The following COMMD1 variants were observed in gnomAD, a reference collection of about 807,000 sequenced individuals.
COMMD1 encodes copper metabolism domain containing 1.
COMMD1 carries 10 observed loss-of-function variants against 17.2 expected under a neutral mutation model. That is an observed-to-expected ratio of 0.58 (90% CI 0.36 to 0.99). COMMD1 has a LOEUF of 0.99. Among genes scored for constraint, COMMD1 ranks in the 50% least tolerant of loss-of-function variants. COMMD1 has a pLI of 0.01. For missense variants in COMMD1, 270 were observed against 231.8 expected, an observed-to-expected ratio of 1.17 and a Z score of -1.07; for synonymous variants, 97 against 91.6, an observed-to-expected ratio of 1.06 and a Z score of -0.34.
intron 1 of COMMD1, among the ~76,000 whole-genome samples, chr2:61,990,552 A>T (rs1253662741): frequency 1.3e-5 from 2 of 152,166 alleles, no homozygotes; most frequent in African/African-American, 4.8e-5. Flanking sequence ...TGATAAAGAC[A>T]TAGCCGAGAC....
intron 1 of COMMD1, among the ~76,000 whole-genome samples, chr2:61,993,003 C>G (rs897376571): frequency 2.6e-5 from 4 of 152,192 alleles, no homozygotes; most frequent in Admixed American, 6.5e-5. Context: ...AATACTTGTA[C>G]TACTACTACT....
chr2:61,891,711 G>C (rs1477866863), intron 1 of COMMD1, among the ~76,000 whole-genome samples: 1 of 151,406 alleles, frequency 6.6e-6, no homozygotes, highest in South Asian at 2.1e-4. Flanking sequence ...CTGGGCGACA[G>C]AGTGAGACTC....
intron 2 of COMMD1, among the ~76,000 whole-genome samples, chr2:62,050,425 T>G (rs1352754907): frequency 6.6e-6 from 1 of 152,218 alleles, no homozygotes; most frequent in East Asian, 1.9e-4. Context: ...CTTTCAGTTA[T>G]TTTATCCTAA....
Position 61,913,366 on chromosome 2 carries a change from C to CAA in COMMD1, c.180+7527_180+7528dup, listed in dbSNP as rs767142777. On this transcript the variant is annotated intron_variant, in intron 1 of 2. Transcript: ENST00000311832. Reference sequence around the variant, plus strand: ...TGGGCAACAGAGTGAGACTCCATCTCAAAAAAAAAAAAAAAAAAAAGAGAA... The same window carrying CAA: ...TGGGCAACAGAGTGAGACTCCATCTCAAAAAAAAAAAAAAAAAAAAAAGAGAA... 6.1e-3 allele frequency among the ~76,000 whole-genome samples: 255 copies of CAA among 41,804 alleles called. 3 individuals are homozygous for CAA. Among genetic ancestry groups the CAA allele is most frequent in the Non-Finnish European group, 7.7e-3 (152 of 19,644 alleles). 27.4% of individuals were successfully genotyped at this position (41,804 alleles called of 152,430 possible).
chr2:62,025,932 G>A (rs1233601709), intron 2 of COMMD1, among the ~76,000 whole-genome samples: 1 of 152,110 alleles, frequency 6.6e-6, no homozygotes, highest in African/African-American at 2.4e-5. Context: ...GGCCTCAAGT[G>A]ATCTGCCTGC....
intron 1 of COMMD1, among the ~76,000 whole-genome samples, chr2:61,974,398 G>C (rs2103732882): frequency 6.6e-6 from 1 of 151,568 alleles, no homozygotes; most frequent in South Asian, 2.1e-4. Flanking sequence ...TTTTGGCCGG[G>C]CTCGGTGGCT....
At chr2:62,122,491 T>G (rs1328906532) in intron 2 of COMMD1, among the ~76,000 whole-genome samples, 2 of 151,376 alleles carry the variant, frequency 1.3e-5, no homozygotes, top group Non-Finnish European at 2.9e-5. Flanking sequence ...TGGTGGTACC[T>G]CTACCTTTTA....
At chr2:61,948,505 T>C (rs1670969559) in intron 1 of COMMD1, among the ~76,000 whole-genome samples, 1 of 152,200 alleles carries the variant, frequency 6.6e-6, no homozygotes, top group Admixed American at 6.5e-5. Context: ...ATGTGCATAA[T>C]ATATATACAC....
At chr2:62,101,649 C>T (rs1341808745) in intron 2 of COMMD1, among the ~76,000 whole-genome samples, 4 of 151,818 alleles carry the variant, frequency 2.6e-5, no homozygotes, top group East Asian at 1.9e-4. Flanking sequence ...CCCAGGTTAC[C>T]CACACTTATA....
chr2:62,113,541 AC>A (rs1672513146), intron 2 of COMMD1, among the ~76,000 whole-genome samples: 1 of 151,824 alleles, frequency 6.6e-6, no homozygotes, highest in South Asian at 2.1e-4. Flanking sequence ...CCACCACCAC[AC>A]CCAGCTAATT....
At chr2:62,056,278 G>A (rs1317073286) in intron 2 of COMMD1, among the ~76,000 whole-genome samples, 1 of 152,182 alleles carries the variant, frequency 6.6e-6, no homozygotes, top group Non-Finnish European at 1.5e-5. Context: ...GCTTTTACAT[G>A]TTCACACAGC....
chr2:61,964,950 C>T (rs114477413), intron 1 of COMMD1, among the ~76,000 whole-genome samples: 1,732 of 152,156 alleles, frequency 0.011, 37 homozygotes, highest in African/African-American at 0.04. Context: ...GCGGAAGAAT[C>T]GCTTGGACCT....
At chr2:61,916,379 C>T (rs1327091520) in intron 1 of COMMD1, among the ~76,000 whole-genome samples, 1 of 152,082 alleles carries the variant, frequency 6.6e-6, no homozygotes, top group African/African-American at 2.4e-5. Flanking sequence ...TTCTTTCAGA[C>T]ACAAGGTGGA....
chr2:61,946,870 C>CAAA (rs1269389502), intron 1 of COMMD1, among the ~76,000 whole-genome samples: 2 of 152,108 alleles, frequency 1.3e-5, no homozygotes, highest in South Asian at 4.1e-4. Context: ...TAAACAACTA[C>CAAA]AAAAACATAT....
At chr2:62,018,958 A>T (rs922825046) in intron 2 of COMMD1, among the ~76,000 whole-genome samples, 1 of 152,122 alleles carries the variant, frequency 6.6e-6, no homozygotes, top group African/African-American at 2.4e-5. Flanking sequence ...GAGCAGGAGC[A>T]CTGTGTCCTC....
chr2:61,927,628 G>C (rs886951374), intron 1 of COMMD1, among the ~76,000 whole-genome samples: 4 of 152,036 alleles, frequency 2.6e-5, no homozygotes, highest in Admixed American at 2.6e-4. Flanking sequence ...TCGATCTCCT[G>C]ACCTCGTGAT....
intron 1 of COMMD1, among the ~76,000 whole-genome samples, chr2:61,935,549 A>G (rs1670583553): frequency 6.6e-6 from 1 of 151,790 alleles, no homozygotes; most frequent in African/African-American, 2.4e-5. Flanking sequence ...AATTGCTTGA[A>G]CCTGGGAGGT....
upstream of COMMD1, among the ~76,000 whole-genome samples, chr2:61,902,126 C>T (rs181647812): frequency 1.1e-4 from 16 of 151,984 alleles, no homozygotes; most frequent in African/African-American, 2.7e-4. Flanking sequence ...CCACCGCACC[C>T]GGCCTAGATT....
chr2:62,007,015 C>T (rs1187273931), intron 2 of COMMD1, among the ~76,000 whole-genome samples: 1 of 152,174 alleles, frequency 6.6e-6, no homozygotes, highest in East Asian at 1.9e-4. Flanking sequence ...AACATTTAGA[C>T]TTAGTCTCAG....
Sources: gnomAD v4.1 joint callset for allele counts (sites outside exome capture counted in the v4.1 genomes callset) on GRCh38, gnomAD v4.1.1 for gene constraint, MANE v1.5 for transcripts, NCBI Gene and HGNC (gene_info 2026-07-23, HGNC 2026-07-21) for gene names.